RYR3: variants seen among roughly 807,000 people sequenced by gnomAD.
RYR3 encodes the protein brain ryanodine receptor-calcium release channel.
RYR3 carries 207 observed loss-of-function variants against 584.3 expected under a neutral mutation model. The ratio of observed to expected loss-of-function variants is 0.35; its 90% confidence interval spans 0.32 to 0.40. The LOEUF (loss-of-function observed/expected upper bound fraction) is 0.40, where lower values mean the gene tolerates loss of function less well. Among genes scored for constraint, RYR3 ranks in the 10% least tolerant of loss-of-function variants. RYR3 has a pLI of 1.00. For missense variants in RYR3, 5,616 were observed against 6,089.2 expected (o/e 0.92, Z 2.59); for synonymous variants, 2,416 against 2,248.5 (o/e 1.07, Z -2.11).
chr15:33,395,880 A>G (rs2042267096), intron 1 of RYR3, among the ~76,000 whole-genome samples: 1 of 152,220 alleles, frequency 6.6e-6, no homozygotes, highest in African/African-American at 2.4e-5. Context: ...AGTCCTTTAC[A>G]TAAAATGGCA....
At chr15:33,406,482 A>C (rs888240321) in intron 1 of RYR3, among the ~76,000 whole-genome samples, 2 of 152,248 alleles carry the variant, frequency 1.3e-5, no homozygotes, top group Non-Finnish European at 2.9e-5. Context: ...CATGATATTT[A>C]GTTGCCTCTC....
chr15:33,597,294 C>G (rs762928602), intron 16 of RYR3, among the ~76,000 whole-genome samples: 1 of 152,054 alleles, frequency 6.6e-6, no homozygotes. Context: ...TAGTAGTTTA[C>G]CAGTAATTTT....
At chr15:33,514,612 C>CT (rs199716620) in intron 3 of RYR3, among the ~76,000 whole-genome samples, 2,147 of 144,450 alleles carry the variant, frequency 0.015, 18 homozygotes, top group South Asian at 0.022. Flanking sequence ...GAATGCATTA[C>CT]TTTTTTTTTT....
At chr15:33,449,274 C>T (rs2046913659) in intron 1 of RYR3, among the ~76,000 whole-genome samples, 1 of 152,198 alleles carries the variant, frequency 6.6e-6, no homozygotes, top group South Asian at 2.1e-4. Flanking sequence ...GACCTCTGGT[C>T]CTCACTGGCT....
At position 33,382,319 on chromosome 15, in the gene RYR3, C is replaced by CTTTTTTTTTTTTTT. The variant is rs34767570; in HGVS notation, c.51+71232_51+71245dup. 5.4e-4 allele frequency among the ~76,000 whole-genome samples: 57 copies of CTTTTTTTTTTTTTT among 104,782 alleles called. 7 individuals are homozygous for CTTTTTTTTTTTTTT. Among genetic ancestry groups the CTTTTTTTTTTTTTT allele is most frequent in the African/African-American group, 2.2e-3 (54 of 24,702 alleles). The allele number at this position is 104,782 out of a possible 152,430, so 68.7% of individuals were successfully genotyped here. ...CAGGAACTGCTAATTTTAAAAGTGGCTTTTTTTTTTTTTTTTTTTTTTGAG... is the reference window on the plus strand; with the variant it reads ...CAGGAACTGCTAATTTTAAAAGTGGCTTTTTTTTTTTTTTTTTTTTTTTTTTTTTTTTTTTTGAG... On this transcript the variant is annotated intron_variant, in intron 1 of 103. Transcript: ENST00000634891.
intron 102 of RYR3, among the ~76,000 whole-genome samples, chr15:33,862,213 GTCC>G (rs147853623): frequency 0.032 from 4,931 of 152,176 alleles, 156 homozygotes; most frequent in Non-Finnish European, 0.039. Flanking sequence ...AGCTTAGAGA[GTCC>G]TCATCTTTCG....
At chr15:33,725,239 C>T (rs920440404) in intron 45 of RYR3, among the ~76,000 whole-genome samples, 1 of 149,148 alleles carries the variant, frequency 6.7e-6, no homozygotes, top group African/African-American at 2.4e-5. Context: ...TCCTGTGGGT[C>T]CTGCCCTATC....
intron 1 of RYR3, among the ~76,000 whole-genome samples, chr15:33,365,770 T>G (rs530928313): frequency 6.6e-6 from 1 of 152,336 alleles, no homozygotes; most frequent in African/African-American, 2.4e-5. Context: ...TGGATATGTC[T>G]GTGGCCTTGG....
intron 81 of RYR3, 79 bp from the exon 82 acceptor site, chr15:33,825,524 C>T (rs942570759): frequency 2.8e-5 from 25 of 889,024 alleles, no homozygotes; most frequent in East Asian, 2.0e-4. Context: ...TATGCTTAGT[C>T]GATAGGTACA....
intron 1 of RYR3, among the ~76,000 whole-genome samples, chr15:33,324,778 C>T (rs1337793107): frequency 1.3e-5 from 2 of 152,182 alleles, no homozygotes; most frequent in East Asian, 1.9e-4. Flanking sequence ...CTGCTAAGTT[C>T]CCCTCTCTGT....
chr15:33,621,276 C>T (rs2152589313), intron 19 of RYR3, among the ~76,000 whole-genome samples: 1 of 152,300 alleles, frequency 6.6e-6, no homozygotes, highest in Admixed American at 6.5e-5. Context: ...ATGGAATACA[C>T]TTACTTGCTA....
intron 42 of RYR3, among the ~76,000 whole-genome samples, chr15:33,703,729 T>C (rs2066470954): frequency 6.6e-6 from 1 of 152,220 alleles, no homozygotes; most frequent in Admixed American, 6.5e-5. Context: ...TTCTTTAAAG[T>C]ATTTTGAAAT....
chr15:33,452,123 G>A (rs576485475), intron 1 of RYR3, among the ~76,000 whole-genome samples: 1 of 152,220 alleles, frequency 6.6e-6, no homozygotes, highest in African/African-American at 2.4e-5. Flanking sequence ...ATTAAAATTG[G>A]TTCCAAAGGC....
intron 3 of RYR3, among the ~76,000 whole-genome samples, chr15:33,529,778 A>G (rs1055692699): frequency 5.9e-5 from 9 of 152,178 alleles, no homozygotes; most frequent in African/African-American, 1.9e-4. Flanking sequence ...TCCATTTTCC[A>G]TGCGACCTAC....
At chr15:33,413,518 C>G (rs2043559347) in intron 1 of RYR3, among the ~76,000 whole-genome samples, 1 of 152,214 alleles carries the variant, frequency 6.6e-6, no homozygotes, top group South Asian at 2.1e-4. Context: ...GGAGATATCA[C>G]TGTTCTGATT....
intron 1 of RYR3, among the ~76,000 whole-genome samples, chr15:33,441,648 C>A (rs1320827625): frequency 6.6e-6 from 1 of 152,188 alleles, no homozygotes; most frequent in Non-Finnish European, 1.5e-5. Flanking sequence ...GTGATCATAA[C>A]ATTAAGCTTA....
At position 33,742,805 on chromosome 15, in the gene RYR3, GA is replaced by G. The variant is rs376954992; in HGVS notation, c.7899+371del. Among the ~76,000 whole-genome samples, 19 of 149,290 alleles carry G rather than the reference GA, an allele frequency of 1.3e-4. No homozygotes were observed. In the South Asian group the frequency reaches 2.6e-3, roughly 20 times the overall value. ...AATTTTTGTCTTTGAATGCAGATTGGAAAAAAAAAATGAAATTGAAAGCCTA... is the reference window on the plus strand; with the variant it reads ...AATTTTTGTCTTTGAATGCAGATTGGAAAAAAAAATGAAATTGAAAGCCTA... On this transcript the variant is annotated intron_variant, in intron 52 of 103. Coordinates refer to ENST00000634891, the MANE Select transcript of RYR3 (RefSeq NM_001036.6).
chr15:33,692,516 A>G (rs536025244), intron 38 of RYR3, among the ~76,000 whole-genome samples: 10 of 152,172 alleles, frequency 6.6e-5, no homozygotes, highest in African/African-American at 2.4e-4. Context: ...AACATTTTCC[A>G]GTACATATGG....
intron 1 of RYR3, among the ~76,000 whole-genome samples, chr15:33,458,986 C>T (rs1438240398): frequency 6.6e-6 from 1 of 152,180 alleles, no homozygotes; most frequent in East Asian, 1.9e-4. Flanking sequence ...TATATATCTA[C>T]CAACCTTCTC....
Sources: allele counts gnomAD v4.1 joint callset (sites outside exome capture counted in the v4.1 genomes callset), GRCh38; gene constraint gnomAD v4.1.1; transcripts MANE v1.5; gene names NCBI Gene and HGNC (gene_info 2026-07-23, HGNC 2026-07-21).